Variants in NHS observed in about 807,000 individuals in gnomAD.
The protein encoded by NHS is actin remodeling regulator NHS.
Under a neutral mutation model 72.5 loss-of-function variants are expected in NHS, and 5 were observed. That is an observed-to-expected ratio of 0.07 (90% CI 0.04 to 0.14). NHS has a LOEUF of 0.14. Among genes scored for constraint, NHS ranks in the 10% least tolerant of loss-of-function variants. The pLI is 1.00. For synonymous variants in NHS, 464 were observed against 547.7 expected, an observed-to-expected ratio of 0.85 and a Z score of 2.13; for missense variants, 1,072 against 1,355.7, an observed-to-expected ratio of 0.79 and a Z score of 3.29.
chrX:17,494,980 G>C (rs182749583), intron 1 of NHS, among the ~76,000 whole-genome samples: 1 of 112,415 alleles, frequency 8.9e-6, no homozygotes, highest in East Asian at 2.8e-4. Flanking sequence ...CTCGAGAACA[G>C]TTGGACAGAT....
chrX:17,491,294 C>T (rs1398725520), intron 1 of NHS, among the ~76,000 whole-genome samples: 3 of 111,304 alleles, frequency 2.7e-5, no homozygotes, highest in African/African-American at 9.8e-5. Flanking sequence ...TTTTGAGATA[C>T]GTTCCGTCAA....
intron 1 of NHS, among the ~76,000 whole-genome samples, chrX:17,527,876 C>A (rs1221664734): frequency 9.5e-6 from 1 of 105,068 alleles, no homozygotes; most frequent in Non-Finnish European, 1.9e-5. Context: ...TCAAAGGGAC[C>A]CATAATCACG....
intron 3 of NHS, among the ~76,000 whole-genome samples, chrX:17,706,086 G>A (rs2066293793): frequency 9.0e-6 from 1 of 110,986 alleles, no homozygotes; most frequent in Non-Finnish European, 1.9e-5. Context: ...CACCTACTTA[G>A]GAGGTGGAGG....
chrX:17,671,199 A>G, intron 1 of NHS, among the ~76,000 whole-genome samples: 1 of 112,569 alleles, frequency 8.9e-6, no homozygotes, highest in Non-Finnish European at 1.9e-5. Flanking sequence ...GGTGTGTTAG[A>G]ACAAAGAGTT....
At chrX:17,550,446 G>A (rs1234452659) in intron 1 of NHS, among the ~76,000 whole-genome samples, 1 of 112,394 alleles carries the variant, frequency 8.9e-6, no homozygotes, top group Non-Finnish European at 1.9e-5. Flanking sequence ...AAGGGTGCCT[G>A]GATTTTGCTA....
At chrX:17,605,255 A>G (rs914679981) in intron 1 of NHS, among the ~76,000 whole-genome samples, 2 of 112,161 alleles carry the variant, frequency 1.8e-5, no homozygotes, top group African/African-American at 6.5e-5. Flanking sequence ...CCAGCTTGAT[A>G]TGCTTTCTTG....
chrX:17,665,318 ATTTTTTTTTTTT>A (rs34661609), intron 1 of NHS, among the ~76,000 whole-genome samples: 11 of 54,730 alleles, frequency 2.0e-4, no homozygotes, highest in South Asian at 7.7e-4. Context: ...TTACCTATAG[ATTTTTTTTTTTT>A]TTTTTTTTTT....
chrX:17,434,507 G>C (rs1326771465), intron 1 of NHS, among the ~76,000 whole-genome samples: 1 of 100,946 alleles, frequency 9.9e-6, no homozygotes, highest in African/African-American at 3.7e-5. Flanking sequence ...GCAGTGGCGC[G>C]ATCTTGGTTC....
chrX:17,534,821 G>T (rs1045703164), intron 1 of NHS, among the ~76,000 whole-genome samples: 24 of 112,302 alleles, frequency 2.1e-4, no homozygotes, highest in African/African-American at 7.4e-4. Context: ...TTGGCATCTG[G>T]TGTCCCAGTG....
chrX:17,538,029 C>T (rs1447243432), intron 1 of NHS, among the ~76,000 whole-genome samples: 1 of 111,894 alleles, frequency 8.9e-6, no homozygotes, highest in African/African-American at 3.2e-5. Flanking sequence ...GCCTCCAGTG[C>T]CCCCATCTTG....
At chrX:17,577,366 C>G (rs894280543) in intron 1 of NHS, among the ~76,000 whole-genome samples, 1 of 111,532 alleles carries the variant, frequency 9.0e-6, no homozygotes, top group African/African-American at 3.3e-5. Flanking sequence ...CACCTGGAAC[C>G]TCTGTGCTTT....
chrX:17,575,037 C>T (rs1340915458), intron 1 of NHS, among the ~76,000 whole-genome samples: 1 of 111,853 alleles, frequency 8.9e-6, no homozygotes, highest in African/African-American at 3.3e-5. Context: ...CATCCGCTGC[C>T]TCCTCTTCAT....
chrX:17,725,949 G>A lies in NHS; in HGVS notation c.1843G>A (p.Val615Ile), dbSNP rs767956070. ...CATCCACTGCATCTCCACGGCTGGC[G>A]TCCTCCTTAGCAGCCACATGGACCA... is the stretch of plus-strand genomic sequence containing the variant. Reference protein sequence around the residue: ...SPIHCISTAGVLLSSHMDQKD... With the variant: ...SPIHCISTAGILLSSHMDQKD... Residue 615 changes from valine (V) to isoleucine (I), a missense_variant, in exon 7 of 9, where the codon GTC becomes ATC. Physicochemically the swap from Val to Ile is conservative, Grantham distance 29 (BLOSUM62 3). Coordinates refer to ENST00000676302, the MANE Select transcript of NHS (RefSeq NM_001291867.2). 48 of 1,209,464 alleles carry A rather than the reference G, an allele frequency of 4.0e-5. No homozygotes were observed. The highest frequency in any genetic ancestry group is 7.0e-5 in the South Asian group (4 of 56,766).
chrX:17,471,064 G>T (rs1466320635), intron 1 of NHS, among the ~76,000 whole-genome samples: 2 of 111,624 alleles, frequency 1.8e-5, no homozygotes, highest in Non-Finnish European at 3.8e-5. Context: ...TATGTTTAAT[G>T]GGATAAGCTT....
In NHS at chrX:17,543,419, A is replaced by G. The variant is rs141222455; in HGVS notation, c.566-144323A>G. Among the ~76,000 whole-genome samples the G allele has an allele frequency of 2.6e-3, 290 of 112,207 alleles. 1 individual carries two copies. The highest frequency in any genetic ancestry group is 8.8e-3 in the African/African-American group (271 of 30,935). On this transcript the variant is annotated intron_variant, in intron 1 of 8. Transcript: ENST00000676302. ...AATGCCTGGAAAAACTAACATAACT[A>G]GGAAATGCTTAGAGCTTGAAGGTTG... is the stretch of plus-strand genomic sequence containing the variant.
intron 1 of NHS, chrX:17,585,904 T>G (rs1246897898): frequency 2.7e-5 from 3 of 109,886 alleles, no homozygotes; most frequent in Non-Finnish European, 3.8e-5. Context: ...ATAATAAGAG[T>G]GTGTCTCTGT....
chrX:17,514,974 T>C (rs1217705761), intron 1 of NHS, among the ~76,000 whole-genome samples: 1 of 111,801 alleles, frequency 8.9e-6, no homozygotes, highest in African/African-American at 3.3e-5. Flanking sequence ...CACTGACTCC[T>C]TGAAAGATGC....
chrX:17,454,137 A>G (rs1369315554), intron 1 of NHS, among the ~76,000 whole-genome samples: 1 of 111,987 alleles, frequency 8.9e-6, no homozygotes. Context: ...GAAGTAGAGC[A>G]GGCAAATTTT....
intron 1 of NHS, among the ~76,000 whole-genome samples, chrX:17,477,097 G>C (rs2064922960): frequency 8.9e-6 from 1 of 112,147 alleles, no homozygotes; most frequent in Admixed American, 9.5e-5. Flanking sequence ...AGAACTTGCA[G>C]TCTAGTGGAG....
Sources: allele counts gnomAD v4.1 joint callset (sites outside exome capture counted in the v4.1 genomes callset), GRCh38; gene constraint gnomAD v4.1.1; transcripts MANE v1.5; gene names NCBI Gene and HGNC (gene_info 2026-07-23, HGNC 2026-07-21).